The following B4GALT5 variants were observed in gnomAD, a reference collection of about 807,000 sequenced individuals.
B4GALT5 encodes the protein beta-1,4-galactosyltransferase 5.
Under a neutral mutation model 45.0 loss-of-function variants are expected in B4GALT5, and 11 were observed. The ratio of observed to expected loss-of-function variants is 0.24; its 90% confidence interval spans 0.15 to 0.40. B4GALT5 has a LOEUF of 0.40. B4GALT5 is among the 10% of genes least tolerant of loss of function. B4GALT5 has a pLI of 1.00. For synonymous variants in B4GALT5, 185 were observed against 182.9 expected (o/e 1.01, Z -0.09); for missense variants, 337 against 500.2 (o/e 0.67, Z 3.11).
chr20:49,691,991 C>T (rs2085814760), intron 1 of B4GALT5, among the ~76,000 whole-genome samples: 1 of 152,174 alleles, frequency 6.6e-6, no homozygotes, highest in Non-Finnish European at 1.5e-5. Context: ...ATCCTTGCTG[C>T]CACCCAAAGG....
chr20:49,648,777 A>C (rs1439296264), intron 2 of B4GALT5, among the ~76,000 whole-genome samples: 1 of 152,206 alleles, frequency 6.6e-6, no homozygotes, highest in Non-Finnish European at 1.5e-5. Flanking sequence ...AGGGTCCTCC[A>C]ACCTCATTTT....
intron 6 of B4GALT5, 99 bp downstream of exon 6, chr20:49,640,379 T>G: frequency 1.8e-6 from 2 of 1,084,560 alleles, no homozygotes; most frequent in Non-Finnish European, 2.6e-6. Flanking sequence ...CATCCATCAG[T>G]TGATGGGCAT....
chr20:49,646,908 T>C (rs6125700), intron 3 of B4GALT5, 57 bp downstream of exon 3: 141,862 of 1,035,854 alleles, frequency 0.14, 10,794 homozygotes, highest in East Asian at 0.16. Context: ...AGATCAAGAG[T>C]GCCCTCCCCT....
At chr20:49,706,660 GAAC>G (rs1345925962) in intron 1 of B4GALT5, among the ~76,000 whole-genome samples, 1 of 152,280 alleles carries the variant, frequency 6.6e-6, no homozygotes, top group Non-Finnish European at 1.5e-5. Context: ...AGAAAGTGAA[GAAC>G]AACTGCCCTT....
At chr20:49,673,624 G>A (rs1029665425) in intron 1 of B4GALT5, among the ~76,000 whole-genome samples, 1 of 152,162 alleles carries the variant, frequency 6.6e-6, no homozygotes, top group Non-Finnish European at 1.5e-5. Flanking sequence ...ATATTAGAAA[G>A]TATTATGATC....
intron 1 of B4GALT5, among the ~76,000 whole-genome samples, chr20:49,676,361 C>T (rs952519718): frequency 4.6e-5 from 7 of 152,030 alleles, no homozygotes; most frequent in African/African-American, 1.5e-4. Context: ...TGCTAATTTG[C>T]GGTTAGAACA....
At chr20:49,673,391 A>C (rs1462156255) in intron 1 of B4GALT5, among the ~76,000 whole-genome samples, 5 of 149,696 alleles carry the variant, frequency 3.3e-5, no homozygotes, top group South Asian at 2.1e-4. Context: ...AAAAAAAAAC[A>C]ACCAGAAAAC....
intron 1 of B4GALT5, among the ~76,000 whole-genome samples, chr20:49,674,348 T>C (rs1451901211): frequency 6.6e-6 from 1 of 152,008 alleles, no homozygotes; most frequent in African/African-American, 2.4e-5. Flanking sequence ...CAGGAATTGT[T>C]ACAGAGGGAA....
At chr20:49,689,169 A>C (rs2085799525) in intron 1 of B4GALT5, among the ~76,000 whole-genome samples, 1 of 152,228 alleles carries the variant, frequency 6.6e-6, no homozygotes, top group Admixed American at 6.5e-5. Flanking sequence ...AAATAAACAC[A>C]GATGTCACCT....
intron 1 of B4GALT5, among the ~76,000 whole-genome samples, chr20:49,689,423 A>T (rs2085800829): frequency 6.6e-6 from 1 of 152,196 alleles, no homozygotes; most frequent in African/African-American, 2.4e-5. Context: ...CACAGATACA[A>T]ATTTGTAACA....
intron 1 of B4GALT5, among the ~76,000 whole-genome samples, chr20:49,681,966 T>C (rs1391077688): frequency 6.6e-6 from 1 of 152,152 alleles, no homozygotes; most frequent in Non-Finnish European, 1.5e-5. Context: ...CATGGTGGCT[T>C]GCGCCTGTAG....
chr20:49,682,587 C>T (rs560996971), intron 1 of B4GALT5, among the ~76,000 whole-genome samples: 1 of 152,268 alleles, frequency 6.6e-6, no homozygotes, highest in South Asian at 2.1e-4. Context: ...CTGAATACCT[C>T]ACTTCAGTGA....
At position 49,644,146 on chromosome 20, in the gene B4GALT5, C is replaced by T. The variant is rs910293841; in HGVS notation, c.365-496G>A. 2.0e-5 allele frequency among the ~76,000 whole-genome samples: 3 copies of T among 151,858 alleles called. No homozygotes were observed. The South Asian group carries it at 6.3e-4, about 32-fold the overall frequency. ...TTCACCTTGTTGGCCAGGCTGGTCT[C>T]GAACTCCTGACCTCAAGGGATCCAC... On this transcript the variant is annotated intron_variant, in intron 3 of 8. Coordinates refer to ENST00000371711, the MANE Select transcript of B4GALT5 (RefSeq NM_004776.4).
chr20:49,687,760 T>C (rs1425889973), intron 1 of B4GALT5, among the ~76,000 whole-genome samples: 1 of 152,080 alleles, frequency 6.6e-6, no homozygotes, highest in Non-Finnish European at 1.5e-5. Context: ...TTCTGCAACA[T>C]AAGTAACAAT....
chr20:49,667,586 C>T (rs1050468241), intron 1 of B4GALT5, among the ~76,000 whole-genome samples: 8 of 151,948 alleles, frequency 5.3e-5, no homozygotes, highest in African/African-American at 1.9e-4. Context: ...TGCTCTGTCA[C>T]TCAGGCTGGA....
chr20:49,643,834 G>C (rs117142370), intron 3 of B4GALT5, among the ~76,000 whole-genome samples, 184 bp from the exon 4 acceptor site: 2,363 of 151,026 alleles, frequency 0.016, 31 homozygotes, highest in Non-Finnish European at 0.023. Context: ...TCAAGGTGAA[G>C]AGGCAAATCA....
intron 1 of B4GALT5, among the ~76,000 whole-genome samples, chr20:49,690,230 T>A (rs1387651438): frequency 6.6e-6 from 1 of 152,168 alleles, no homozygotes; most frequent in Non-Finnish European, 1.5e-5. Context: ...GGTCTCGAAC[T>A]CCTGACCTCA....
At position 49,633,744 on chromosome 20, in the gene B4GALT5, C is replaced by A. The variant is rs12084; in HGVS notation, c.*2568G>T. The A allele has an allele frequency of 6.6e-6, 1 of 152,418 alleles. No homozygotes were observed. Among genetic ancestry groups the A allele is most frequent in the South Asian group, 2.1e-4 (1 of 4,836 alleles). 9.4% of individuals were successfully genotyped at this position (152,418 alleles called of 1,614,324 possible). On this transcript the variant is annotated 3_prime_UTR_variant, in exon 9 of 9. Coordinates refer to ENST00000371711, the MANE Select transcript of B4GALT5 (RefSeq NM_004776.4). ...AATTATGGCAACATAGAGCTTCAAA[C>A]AAGATCGCCTGACAACACTGCCGCA...
At chr20:49,673,909 G>C (rs2085726091) in intron 1 of B4GALT5, among the ~76,000 whole-genome samples, 1 of 151,808 alleles carries the variant, frequency 6.6e-6, no homozygotes, top group East Asian at 1.9e-4. Context: ...TGTTATTCTT[G>C]CAACTTTTCT....
Sources: allele counts gnomAD v4.1 joint callset (sites outside exome capture counted in the v4.1 genomes callset), GRCh38; gene constraint gnomAD v4.1.1; transcripts MANE v1.5; gene names NCBI Gene and HGNC (gene_info 2026-07-23, HGNC 2026-07-21).